The following F13A1 variants were observed in gnomAD, a reference collection of about 807,000 sequenced individuals.
F13A1 encodes coagulation factor XIII A chain, also known as FSF, A subunit.
A neutral mutation model predicts 80.1 loss-of-function variants in F13A1; 47 were observed. The observed-to-expected ratio is 0.59, with a 90% confidence interval of 0.46 to 0.75. F13A1 has a LOEUF of 0.75. F13A1 is among the 30% of genes least tolerant of loss of function. The pLI is 0.00. For synonymous variants in F13A1, 349 were observed against 344.9 expected (o/e 1.01, Z -0.13); for missense variants, 817 against 930.4 (o/e 0.88, Z 1.59).
intron 12 of F13A1, among the ~76,000 whole-genome samples, chr6:6,171,444 T>C (rs1186843711): frequency 6.6e-6 from 1 of 152,118 alleles, no homozygotes; most frequent in African/African-American, 2.4e-5. Flanking sequence ...ATACCTTCCT[T>C]CTCTCACACC....
At chr6:6,230,484 C>A (rs1225005152) in intron 6 of F13A1, among the ~76,000 whole-genome samples, 1 of 152,126 alleles carries the variant, frequency 6.6e-6, no homozygotes, top group Non-Finnish European at 1.5e-5. Context: ...GCCCAGCCCC[C>A]AGTTGATGGT....
Position 6,179,459 on chromosome 6 carries a change from G to T in F13A1, c.1459+2529C>A, listed in dbSNP as rs1196588258. Among the ~76,000 whole-genome samples, 7 of 152,134 alleles carry T rather than the reference G, an allele frequency of 4.6e-5. No homozygotes were observed. In the South Asian group the frequency reaches 1.5e-3, roughly 32 times the overall value. ...TTGGTATCTACACTCAGCATTTGTG[G>T]ATCAGAGAAATTATAAGAGATTCAA... On this transcript the variant is annotated intron_variant, in intron 11 of 14. Transcript: ENST00000264870.
chr6:6,213,081 T>C (rs1451679559), intron 8 of F13A1, among the ~76,000 whole-genome samples: 1 of 147,868 alleles, frequency 6.8e-6, no homozygotes, highest in Non-Finnish European at 1.5e-5. Context: ...ACGGGGAGAA[T>C]GGAACCAAGT....
rs536080846 is a variant in F13A1, at chr6:6,180,261, C to T, written c.1459+1727G>A. ...GTGAGCCCATCACTAACTTCCTCCA[C>T]GAGGTCTTCCCCAACTGCCGATTCT... is the stretch of plus-strand genomic sequence containing the variant. On this transcript the variant is annotated intron_variant, in intron 11 of 14. Transcript: ENST00000264870. Among the ~76,000 whole-genome samples the T allele has an allele frequency of 3.3e-5, 5 of 152,322 alleles. No homozygotes were observed. In the South Asian group the frequency reaches 8.3e-4, roughly 25 times the overall value.
intron 3 of F13A1, among the ~76,000 whole-genome samples, chr6:6,296,892 A>G (rs1758337130): frequency 6.7e-6 from 1 of 148,684 alleles, no homozygotes; most frequent in South Asian, 2.1e-4. Context: ...TTTGTCATAG[A>G]TAGCTCTTAT....
Position 6,300,438 on chromosome 6 carries a change from C to A in F13A1, c.319+4913G>T, listed in dbSNP as rs557949957. On this transcript the variant is annotated intron_variant, in intron 3 of 14. Coordinates refer to ENST00000264870, the MANE Select transcript of F13A1 (RefSeq NM_000129.4). ...CTCTGATCCAGGTGCGGGATATAAT[C>A]TCCTGATGCGCCGTTTTTTAAGCCT... is the stretch of plus-strand genomic sequence containing the variant. 2.8e-4 allele frequency among the ~76,000 whole-genome samples: 43 copies of A among 152,044 alleles called. No homozygotes were observed. The Middle Eastern group carries it at 0.017, about 60-fold the overall frequency.
At chr6:6,296,208 A>G (rs1489515105) in intron 3 of F13A1, among the ~76,000 whole-genome samples, 1 of 151,966 alleles carries the variant, frequency 6.6e-6, no homozygotes, top group Non-Finnish European at 1.5e-5. Context: ...CTTTTGGCTT[A>G]GGATTGATTT....
chr6:6,279,156 A>T (rs1758027580), intron 3 of F13A1, among the ~76,000 whole-genome samples: 2 of 152,230 alleles, frequency 1.3e-5, no homozygotes, highest in South Asian at 4.1e-4. Context: ...AAACTTGCTC[A>T]GGGGACATGG....
At chr6:6,302,969 T>C (rs1420828398) in intron 3 of F13A1, among the ~76,000 whole-genome samples, 6 of 152,256 alleles carry the variant, frequency 3.9e-5, no homozygotes, top group African/African-American at 1.4e-4. Flanking sequence ...TTTACTACTG[T>C]ATATGGGACA....
chr6:6,191,423 T>C (rs1359155344), intron 10 of F13A1, among the ~76,000 whole-genome samples: 1 of 152,234 alleles, frequency 6.6e-6, no homozygotes, highest in Non-Finnish European at 1.5e-5. Flanking sequence ...ACACAAAATC[T>C]GGGCATTGGT....
intron 8 of F13A1, among the ~76,000 whole-genome samples, chr6:6,218,424 C>T (rs1483483138): frequency 6.6e-6 from 1 of 152,220 alleles, no homozygotes. Context: ...TGATTCATAG[C>T]TGCCTTCCCC....
At chr6:6,175,746 G>A (rs1760872562) in intron 11 of F13A1, among the ~76,000 whole-genome samples, 1 of 152,228 alleles carries the variant, frequency 6.6e-6, no homozygotes, top group South Asian at 2.1e-4. Flanking sequence ...ACAGGCGGTG[G>A]TGCACCTAAG....
intron 13 of F13A1, among the ~76,000 whole-genome samples, chr6:6,154,155 A>G (rs1327645930): frequency 6.6e-6 from 1 of 152,116 alleles, no homozygotes; most frequent in African/African-American, 2.4e-5. Flanking sequence ...AAAAAAAAAA[A>G]AAAAAACGGC....
intron 6 of F13A1, among the ~76,000 whole-genome samples, chr6:6,234,886 A>C (rs891059359): frequency 2.6e-5 from 4 of 152,040 alleles, no homozygotes; most frequent in Non-Finnish European, 4.4e-5. Context: ...ATTTGGGTAC[A>C]ATTACATGTA....
chr6:6,287,304 C>T (rs1758151903), intron 3 of F13A1, among the ~76,000 whole-genome samples: 1 of 152,208 alleles, frequency 6.6e-6, no homozygotes, highest in African/African-American at 2.4e-5. Context: ...AGGGAATGCC[C>T]ACAGTCCGTC....
rs1298305287 is a variant in F13A1 at position 6,149,246 on chromosome 6, A to C, written c.2045+2567T>G. Among the ~76,000 whole-genome samples, 6 of 152,228 alleles carry C rather than the reference A, an allele frequency of 3.9e-5. No homozygotes were observed. In the South Asian group the frequency reaches 1.2e-3, roughly 31 times the overall value. ...CTCACCACAAAGAAATGATAAATGC[A>C]TGGGGTGATGGATACACTAAATACT... On this transcript the variant is annotated intron_variant, in intron 14 of 14. Coordinates refer to ENST00000264870, the MANE Select transcript of F13A1 (RefSeq NM_000129.4).
chr6:6,300,599 G>T (rs1274428233), intron 3 of F13A1, among the ~76,000 whole-genome samples: 1 of 151,938 alleles, frequency 6.6e-6, no homozygotes, highest in Non-Finnish European at 1.5e-5. Context: ...CCCTGCTTCG[G>T]CTCGCGCACA....
chr6:6,301,748 T>C (rs1758435374), intron 3 of F13A1, among the ~76,000 whole-genome samples: 1 of 152,204 alleles, frequency 6.6e-6, no homozygotes, highest in East Asian at 1.9e-4. Context: ...CAATTCTCAT[T>C]CATTTAGTTG....
chr6:6,305,520 G>A lies in F13A1; in HGVS notation c.150C>T (p.Ser50=), dbSNP rs148898698. Residue 50 remains serine (S), a synonymous_variant, in exon 3 of 15, where the codon AGC becomes AGT. Transcript: ENST00000264870. The part of the protein sequence containing the change: ...VNLQEFLNVT[S]VHLFKERWDT... ...CCCATCTCTCCTTGAACAGGTGAAC[G>A]CTCGTGACATTAAGAAACTCTATGA... is the stretch of plus-strand genomic sequence containing the variant. 82 of 1,614,158 alleles carry A rather than the reference G, an allele frequency of 5.1e-5. No individual in the cohort carries two copies. In the South Asian group the frequency reaches 5.4e-4, roughly 11 times the overall value.
Sources: allele counts gnomAD v4.1 joint callset (sites outside exome capture counted in the v4.1 genomes callset), GRCh38; gene constraint gnomAD v4.1.1; transcripts MANE v1.5; gene names NCBI Gene and HGNC (gene_info 2026-07-23, HGNC 2026-07-21).